EXOC3L4: variants seen among roughly 807,000 people sequenced by gnomAD.
EXOC3L4 encodes the protein exocyst complex component 3-like protein 4.
Under a neutral mutation model 69.7 loss-of-function variants are expected in EXOC3L4, and 62 were observed. The ratio of observed to expected loss-of-function variants is 0.89; its 90% CI spans 0.72 to 1.10. The LOEUF is 1.10. Among genes scored for constraint, EXOC3L4 ranks in the 50% least tolerant of loss-of-function variants. EXOC3L4 has a pLI of 0.00. For synonymous variants in EXOC3L4, 502 were observed against 464.2 expected, an observed-to-expected ratio of 1.08 and a Z score of -1.05; for missense variants, 1,087 against 1,034.8, an observed-to-expected ratio of 1.05 and a Z score of -0.69.
intron 4 of EXOC3L4, 104 bp downstream of exon 4, chr14:103,104,156 A>T: frequency 6.9e-7 from 1 of 1,446,974 alleles, no homozygotes; most frequent in Non-Finnish European, 9.1e-7. Flanking sequence ...GCTCTGGTTC[A>T]CCCTGTGGCC....
chr14:103,109,190 TCGCCA>T (rs1394963756), intron 11 of EXOC3L4, among the ~76,000 whole-genome samples: 3 of 46,574 alleles, frequency 6.4e-5, no homozygotes, highest in African/African-American at 1.0e-4. Context: ...CCTCTCTCCC[TCGCCA>T]CCCTGTCCCC....
chr14:103,107,874 A>G (rs779217955), intron 10 of EXOC3L4, 91 bp downstream of exon 10: 2 of 1,406,856 alleles, frequency 1.4e-6, no homozygotes, highest in Non-Finnish European at 1.9e-6. Context: ...GGCTTTTGGC[A>G]GGAGTGGTTC....
intron 3 of EXOC3L4, 134 bp from the exon 4 acceptor site, chr14:103,103,807 T>C (rs1184335505): frequency 1.0e-5 from 6 of 589,742 alleles, no homozygotes; most frequent in Non-Finnish European, 1.8e-5. Context: ...CGTGTGTGTG[T>C]GTGTGTGTGT....
At chr14:103,098,470 A>G (rs59643720) in intron 1 of EXOC3L4, 1 of 151,948 alleles carries the variant, frequency 6.6e-6, no homozygotes, top group Non-Finnish European at 1.5e-5. Flanking sequence ...GCAAATGACA[A>G]CCCCTAACTT....
Position 103,102,155 on chromosome 14 carries a change from A to G in EXOC3L4, c.432A>G (p.Gln144=), listed in dbSNP as rs779525762. The change falls in exon 3 of 12, where the codon CAA becomes CAG. Residue 144 remains glutamine, a synonymous_variant. Coordinates refer to ENST00000688303, the MANE Select transcript of EXOC3L4 (RefSeq NM_001077594.2). The part of the protein sequence containing the change: ...KSVADLITER[Q]LLAAFEQLLR... ...TGGCCGACCTCATTACTGAACGGCAACTGCTGGCGGCCTTCGAACAGCTTC... is the reference window on the plus strand; with the variant it reads ...TGGCCGACCTCATTACTGAACGGCAGCTGCTGGCGGCCTTCGAACAGCTTC... 5 of 1,605,960 alleles carry G rather than the reference A, an allele frequency of 3.1e-6. No homozygotes were observed. In the South Asian group the frequency reaches 5.6e-5, roughly 18 times the overall value.
At chr14:103,109,152 C>T (rs1345478525) in intron 11 of EXOC3L4, among the ~76,000 whole-genome samples, 1 of 145,574 alleles carries the variant, frequency 6.9e-6, no homozygotes, top group Non-Finnish European at 1.5e-5. Context: ...CCCCCTCCCT[C>T]CCTCTCCACC....
chr14:103,100,141 G>A, intron 1 of EXOC3L4, 63 bp from the exon 2 acceptor site: 1 of 1,443,620 alleles, frequency 6.9e-7, no homozygotes, highest in Non-Finnish European at 9.1e-7. Flanking sequence ...GGTGTGGCCA[G>A]GCCCCACAGG....
At chr14:103,098,074 G>A (rs1008149518) in intron 1 of EXOC3L4, among the ~76,000 whole-genome samples, 1 of 152,022 alleles carries the variant, frequency 6.6e-6, no homozygotes, top group African/African-American at 2.4e-5. Context: ...AAGGTGGCAT[G>A]GCTGGAGGCT....
At chr14:103,100,787 A>T (rs1292071842) in intron 2 of EXOC3L4, among the ~76,000 whole-genome samples, 174 bp downstream of exon 2, 1 of 151,962 alleles carries the variant, frequency 6.6e-6, no homozygotes, top group Non-Finnish European at 1.5e-5. Flanking sequence ...CCAGGCTGGC[A>T]TGCAGTGGTG....
chr14:103,099,865 C>T (rs1399006712), intron 1 of EXOC3L4, among the ~76,000 whole-genome samples: 1 of 152,188 alleles, frequency 6.6e-6, no homozygotes, highest in Non-Finnish European at 1.5e-5. Context: ...CTGGACTGGG[C>T]CCCAGAACTG....
At chr14:103,103,365 A>AAAAAAAG (rs1329227658) in intron 3 of EXOC3L4, among the ~76,000 whole-genome samples, 1 of 149,856 alleles carries the variant, frequency 6.7e-6, no homozygotes, top group East Asian at 1.9e-4. Flanking sequence ...AAAAAAAAAA[A>AAAAAAAG]AAAAAAGAAA....
intron 3 of EXOC3L4, among the ~76,000 whole-genome samples, chr14:103,103,394 A>G (rs2139487914): frequency 6.6e-6 from 1 of 151,626 alleles, no homozygotes; most frequent in South Asian, 2.1e-4. Flanking sequence ...GAAAAGAAAA[A>G]AGAAAAGGGC....
chr14:103,104,450 C>A lies in EXOC3L4; in HGVS notation c.1284+61C>A, dbSNP rs546760358. On this transcript the variant is annotated intron_variant, in intron 5 of 11. Coordinates refer to ENST00000688303, the MANE Select transcript of EXOC3L4 (RefSeq NM_001077594.2). ...TGTTCAAGCCTCACGCACACGGTGG[C>A]GATTTCCAGAACGAATTCCTATCCA... 45 of 1,447,474 alleles carry A rather than the reference C, an allele frequency of 3.1e-5. 1 individual carries two copies. The South Asian group carries it at 5.6e-4, about 18-fold the overall frequency. The allele number at this position is 1,447,474 out of a possible 1,614,324, so 89.7% of individuals were successfully genotyped here.
chr14:103,104,068 T>TCAGGCTGGGCGGGC lies in EXOC3L4; in HGVS notation c.1161+25_1161+38dup, dbSNP rs1417035067. The TCAGGCTGGGCGGGC allele has an allele frequency of 2.6e-6, 4 of 1,540,468 alleles. No homozygotes were observed. Among genetic ancestry groups the TCAGGCTGGGCGGGC allele is most frequent in the Non-Finnish European group, 3.5e-6 (4 of 1,146,684 alleles). On this transcript the variant is annotated intron_variant, in intron 4 of 11. Coordinates refer to ENST00000688303, the MANE Select transcript of EXOC3L4 (RefSeq NM_001077594.2). ...CTTCCTGGAGGTCAGGCCGGGCGGG[T>TCAGGCTGGGCGGGC]CAGGCTGGGCGGGCCAGGCTGGAGG... is the stretch of plus-strand genomic sequence containing the variant.
chr14:103,100,180 A>G (rs748135844), intron 1 of EXOC3L4, 24 bp from the exon 2 acceptor site: 17 of 1,524,128 alleles, frequency 1.1e-5, no homozygotes, highest in East Asian at 2.3e-5. Flanking sequence ...ATCTGCTCCT[A>G]TGGCCACTCC....
chr14:103,106,874 T>A lies in EXOC3L4; in HGVS notation c.1556T>A (p.Leu519His). 6.3e-7 allele frequency: 1 copy of A among 1,580,790 alleles called. No individual in the cohort carries two copies. The highest frequency in any genetic ancestry group is 8.6e-7 in the Non-Finnish European group (1 of 1,161,798). The change falls in exon 8 of 12, where the codon CTT (leucine) becomes CAT (histidine). Residue 519 changes from leucine (L) to histidine (H), a missense_variant. Coordinates refer to ENST00000688303, the MANE Select transcript of EXOC3L4 (RefSeq NM_001077594.2). ...TATCSFQKHL[L>H]QGLQRELQPL... ...ACCTGCAGCTTCCAGAAGCACTTGC[T>A]TCAGGGCTTGCAGCGTGAGTTGCAG...
chr14:103,109,167 G>A (rs1192707540), intron 11 of EXOC3L4, among the ~76,000 whole-genome samples: 1 of 56,050 alleles, frequency 1.8e-5, no homozygotes, highest in African/African-American at 7.9e-5. Flanking sequence ...TCCACCACCT[G>A]TCCCCCGGTC....
chr14:103,104,679 G>T, intron 5 of EXOC3L4, 59 bp from the exon 6 acceptor site: 2 of 1,380,242 alleles, frequency 1.4e-6, no homozygotes, highest in Non-Finnish European at 9.5e-7. Context: ...GCTACCAGGG[G>T]ACCCGCGGCC....
Position 103,100,510 on chromosome 14 carries a change from C to T in EXOC3L4, c.291C>T (p.Thr97=), listed in dbSNP as rs147118623. The T allele has an allele frequency of 5.1e-5, 83 of 1,612,704 alleles. No individual in the cohort carries two copies. Among genetic ancestry groups the T allele is most frequent in the Middle Eastern group, 4.9e-4 (3 of 6,082 alleles). Reference sequence around the variant, plus strand: ...AAGCCCTGAATGACGGCCCAGCTACCGGCCATTCCCAGGCCACTCCTGAGG... The same window carrying T: ...AAGCCCTGAATGACGGCCCAGCTACTGGCCATTCCCAGGCCACTCCTGAGG... ...FRQALNDGPA[T]GHSQATPEVP... Residue 97 remains threonine, a synonymous_variant, in exon 2 of 12, where the codon ACC becomes ACT. Coordinates refer to ENST00000688303, the MANE Select transcript of EXOC3L4 (RefSeq NM_001077594.2).
Sources: allele counts gnomAD v4.1 joint callset (sites outside exome capture counted in the v4.1 genomes callset), GRCh38; gene constraint gnomAD v4.1.1; transcripts MANE v1.5; gene names NCBI Gene and HGNC (gene_info 2026-07-23, HGNC 2026-07-21).